NPSR1: variants seen among roughly 807,000 people sequenced by gnomAD.
NPSR1 encodes the protein neuropeptide S receptor 1.
In NPSR1, 48 loss-of-function variants were observed where a neutral mutation model predicts 46.9. The ratio of observed to expected loss-of-function variants is 1.02; its 90% CI spans 0.81 to 1.30. NPSR1 has a LOEUF of 1.30. Ranked by LOEUF, NPSR1 falls within the 50% of genes most tolerant of loss-of-function variation. The pLI is 0.00. For missense variants in NPSR1, 450 were observed against 449.5 expected, an observed-to-expected ratio of 1.00 and a Z score of -0.01; for synonymous variants, 176 against 168.1, an observed-to-expected ratio of 1.05 and a Z score of -0.36.
chr7:34,779,683 G>A (rs1435922801), intron 3 of NPSR1: 2 of 729,654 alleles, frequency 2.7e-6, no homozygotes, highest in African/African-American at 1.8e-5. Context: ...ATTTTCTCAG[G>A]GGAAATTTTT....
At chr7:34,698,274 C>A (rs62464155) in intron 2 of NPSR1, among the ~76,000 whole-genome samples, 2,904 of 152,206 alleles carry the variant, frequency 0.019, 40 homozygotes, top group African/African-American at 0.038. Flanking sequence ...TAATAATTCA[C>A]CAAATTATAT....
Position 34,832,788 on chromosome 7 carries a change from A to AC in NPSR1, c.681-1595dup, listed in dbSNP as rs548553217. ...TATTTGAATTATTGGTCAATTAAAT[A>AC]CTGGGGTTGCAATTGACATAACCAT... On this transcript the variant is annotated intron_variant, in intron 5 of 8. Transcript: ENST00000360581. 1.1e-4 allele frequency among the ~76,000 whole-genome samples: 16 copies of AC among 152,320 alleles called. No individual in the cohort carries two copies. In the East Asian group the frequency reaches 2.9e-3, roughly 28 times the overall value.
intron 2 of NPSR1, among the ~76,000 whole-genome samples, chr7:34,690,791 T>G (rs1793210192): frequency 6.6e-6 from 1 of 152,160 alleles, no homozygotes; most frequent in African/African-American, 2.4e-5. Context: ...AGAAAAAGTA[T>G]GGAAAACCTA....
chr7:34,659,981 A>C (rs972148674), intron 1 of NPSR1: 1 of 408,594 alleles, frequency 2.4e-6, no homozygotes, highest in Non-Finnish European at 4.9e-6. Flanking sequence ...TAAGGTGGTT[A>C]TTCTGAGACT....
chr7:34,661,173 C>T (rs1791434453), intron 1 of NPSR1, among the ~76,000 whole-genome samples: 1 of 152,130 alleles, frequency 6.6e-6, no homozygotes, highest in South Asian at 2.1e-4. Flanking sequence ...TGGGTGGGGG[C>T]TCTCATTAAC....
At chr7:34,709,817 T>C (rs534645751) in intron 2 of NPSR1, among the ~76,000 whole-genome samples, 3 of 152,174 alleles carry the variant, frequency 2.0e-5, no homozygotes, top group Non-Finnish European at 4.4e-5. Flanking sequence ...AATATTTATA[T>C]GTCCTAACAC....
Position 34,658,339 on chromosome 7 carries a change from C to T in NPSR1, c.-74C>T, listed in dbSNP as rs1284716917. ...CAGCAGAGCTGCAGCTGCTGCCCAGCTCTCAGGAGGCAAGCTGGACTCCCT... is the reference window on the plus strand; with the variant it reads ...CAGCAGAGCTGCAGCTGCTGCCCAGTTCTCAGGAGGCAAGCTGGACTCCCT... On this transcript the variant is annotated 5_prime_UTR_variant, in exon 1 of 9. Transcript: ENST00000360581. The T allele has an allele frequency of 4.5e-6, 7 of 1,552,566 alleles. No individual in the cohort carries two copies. The highest frequency in any genetic ancestry group is 6.2e-6 in the Non-Finnish European group (7 of 1,136,158).
At chr7:34,794,874 A>G (rs1206845862) in intron 3 of NPSR1, among the ~76,000 whole-genome samples, 1 of 152,138 alleles carries the variant, frequency 6.6e-6, no homozygotes, top group Non-Finnish European at 1.5e-5. Context: ...CACTGTACCT[A>G]CAATAAATAC....
intron 6 of NPSR1, among the ~76,000 whole-genome samples, chr7:34,842,470 C>T (rs1328274490): frequency 1.3e-5 from 2 of 152,194 alleles, no homozygotes; most frequent in Non-Finnish European, 2.9e-5. Context: ...CACACATGCA[C>T]ACACAATTGT....
intron 4 of NPSR1, among the ~76,000 whole-genome samples, chr7:34,824,832 A>G (rs1789745061): frequency 6.6e-6 from 1 of 152,012 alleles, no homozygotes; most frequent in African/African-American, 2.4e-5. Context: ...TACTAATGTC[A>G]CCCAGGACCA....
intron 3 of NPSR1, among the ~76,000 whole-genome samples, chr7:34,803,723 TAA>T (rs1289871226): frequency 8.4e-6 from 1 of 119,078 alleles, no homozygotes; most frequent in African/African-American, 3.2e-5. Flanking sequence ...ATAATAGTAA[TAA>T]AATAAAATTT....
At chr7:34,844,432 G>A (rs1027087984) in intron 6 of NPSR1, among the ~76,000 whole-genome samples, 23 of 151,988 alleles carry the variant, frequency 1.5e-4, no homozygotes, top group Non-Finnish European at 2.9e-4. Flanking sequence ...CTTTTCTTGA[G>A]AGCGTTTTTT....
At chr7:34,787,385 T>C (rs955618204) in intron 3 of NPSR1, among the ~76,000 whole-genome samples, 5 of 152,150 alleles carry the variant, frequency 3.3e-5, no homozygotes, top group African/African-American at 1.2e-4. Flanking sequence ...ATGTTGCAAC[T>C]AGTTTGATCA....
chr7:34,734,308 G>A (rs548846483), intron 2 of NPSR1, among the ~76,000 whole-genome samples: 21 of 152,246 alleles, frequency 1.4e-4, no homozygotes, highest in East Asian at 3.9e-4. Flanking sequence ...TGTGATGCAA[G>A]GTAAGAATTG....
chr7:34,834,530 G>A (rs1790278067), intron 6 of NPSR1, 70 bp downstream of exon 6: 2 of 1,049,936 alleles, frequency 1.9e-6, no homozygotes, highest in South Asian at 1.3e-5. Flanking sequence ...TCTAGCAAAT[G>A]TGAGCTAGGG....
At chr7:34,803,545 C>T (rs1267568796) in intron 3 of NPSR1, among the ~76,000 whole-genome samples, 11 of 149,824 alleles carry the variant, frequency 7.3e-5, no homozygotes, top group African/African-American at 2.0e-4. Flanking sequence ...GGAAGGGGAA[C>T]ATCACACTCT....
chr7:34,679,978 A>G (rs1460705845), intron 1 of NPSR1, among the ~76,000 whole-genome samples: 1 of 152,146 alleles, frequency 6.6e-6, no homozygotes, highest in Non-Finnish European at 1.5e-5. Context: ...TAATTCATCA[A>G]CAGTATAAAA....
chr7:34,785,243 A>T (rs1787409945), intron 3 of NPSR1, among the ~76,000 whole-genome samples: 1 of 151,922 alleles, frequency 6.6e-6, no homozygotes, highest in Non-Finnish European at 1.5e-5. Flanking sequence ...GACACGGATG[A>T]AATTGGAAAT....
At position 34,827,644 on chromosome 7, in the gene NPSR1, G is replaced by A. The variant is rs201624729; in HGVS notation, c.680+42G>A. ...ACAGGACCACACGGGGGGGTGGGGCGGGGGGGGCTTTCCTGTTTCTCCAGC... is the reference window on the plus strand; with the variant it reads ...ACAGGACCACACGGGGGGGTGGGGCAGGGGGGGCTTTCCTGTTTCTCCAGC... On this transcript the variant is annotated intron_variant, in intron 5 of 8. Coordinates refer to ENST00000360581, the MANE Select transcript of NPSR1 (RefSeq NM_207172.2). The A allele has an allele frequency of 2.8e-3, 1,420 of 515,872 alleles. 23 individuals carry two copies. Among genetic ancestry groups the A allele is most frequent in the African/African-American group, 6.7e-3 (82 of 12,166 alleles). 32.0% of individuals were successfully genotyped at this position (515,872 alleles called of 1,614,324 possible).
Sources: allele counts gnomAD v4.1 joint callset (sites outside exome capture counted in the v4.1 genomes callset), GRCh38; gene constraint gnomAD v4.1.1; transcripts MANE v1.5; gene names NCBI Gene and HGNC (gene_info 2026-07-23, HGNC 2026-07-21).